MANSC4: variants seen among roughly 807,000 people sequenced by gnomAD.
MANSC4 encodes the protein MANSC domain-containing protein 4.
Under a neutral mutation model 11.4 loss-of-function variants are expected in MANSC4, and 11 were observed. The observed-to-expected ratio is 0.97, with a 90% CI of 0.61 to 1.60. The LOEUF is 1.60. MANSC4 is among the 40% of genes most tolerant of loss of function. The pLI, the probability that MANSC4 is intolerant of heterozygous loss-of-function variation, is 0.00. For synonymous variants in MANSC4, 123 were observed against 147.1 expected (o/e 0.84, Z 1.19); for missense variants, 354 against 404.6 (o/e 0.88, Z 1.07).
chr12:27,776,930 G>T (rs2062121589), intron 1 of MANSC4, among the ~76,000 whole-genome samples: 1 of 152,012 alleles, frequency 6.6e-6, no homozygotes, highest in South Asian at 2.1e-4. Context: ...GGAAGACTAG[G>T]AATAATTTTA....
chr12:27,762,832 C>T lies in MANSC4; in HGVS notation c.929G>A (p.Cys310Tyr). ...TTTATACTGGCCCTGCTGCTTTCCACAGCATCCAGATGCCAGGATGACTAT... is the reference window on the plus strand; with the variant it reads ...TTTATACTGGCCCTGCTGCTTTCCATAGCATCCAGATGCCAGGATGACTAT... Reference protein sequence around the residue: ...CCIVILASGCCGKQQGQYKPG... With the variant: ...CCIVILASGCYGKQQGQYKPG... The change falls in exon 4 of 4, where the codon TGT (cysteine) becomes TAT (tyrosine). Residue 310 changes from cysteine (C) to tyrosine (Y), a missense_variant. Transcript: ENST00000381273. 1.3e-6 allele frequency: 2 copies of T among 1,551,916 alleles called. No homozygotes were observed. The highest frequency in any genetic ancestry group is 1.7e-6 in the Non-Finnish European group (2 of 1,147,054).
chr12:27,769,748 T>G (rs1477172628), intron 2 of MANSC4, among the ~76,000 whole-genome samples: 2 of 152,212 alleles, frequency 1.3e-5, no homozygotes, highest in Admixed American at 6.6e-5. Flanking sequence ...CATAGGTAAT[T>G]GGGCAAGAGG....
Position 27,771,282 on chromosome 12 carries a change from C to G in MANSC4, c.-6G>C. 6.5e-7 allele frequency: 1 copy of G among 1,548,946 alleles called. No homozygotes were observed. The highest frequency in any genetic ancestry group is 8.7e-7 in the Non-Finnish European group (1 of 1,146,226). ...GCTACCTCTGCCACATGCATTTTTC[C>G]TGTATGAAGGAAGACTCGAAGATAA... On this transcript the variant is annotated 5_prime_UTR_variant, in exon 2 of 4. Transcript: ENST00000381273.
chr12:27,770,235 C>T (rs1420792746), intron 2 of MANSC4, among the ~76,000 whole-genome samples: 1 of 152,138 alleles, frequency 6.6e-6, no homozygotes, highest in Non-Finnish European at 1.5e-5. Flanking sequence ...GGCTTGAGTG[C>T]ACTGGTGCGA....
intron 2 of MANSC4, among the ~76,000 whole-genome samples, chr12:27,768,041 A>G (rs2062080916): frequency 6.6e-6 from 1 of 152,158 alleles, no homozygotes; most frequent in African/African-American, 2.4e-5. Flanking sequence ...GTAGAATTCT[A>G]GCAGGTGGGG....
At chr12:27,773,356 G>T (rs775021908) in intron 1 of MANSC4, among the ~76,000 whole-genome samples, 4 of 152,152 alleles carry the variant, frequency 2.6e-5, no homozygotes, top group Non-Finnish European at 4.4e-5. Context: ...GTTTTAAAAA[G>T]AAATGGTAGA....
chr12:27,779,502 C>T (rs2062134379), intron 1 of MANSC4, among the ~76,000 whole-genome samples: 1 of 152,202 alleles, frequency 6.6e-6, no homozygotes, highest in Non-Finnish European at 1.5e-5. Flanking sequence ...GAACCTGCTG[C>T]CATCTGCCTG....
Position 27,771,393 on chromosome 12 carries a change from C to A in MANSC4, c.-117G>T, listed in dbSNP as rs1248212086. The A allele has an allele frequency of 2.3e-6, 2 of 866,596 alleles. No homozygotes were observed. Among genetic ancestry groups the A allele is most frequent in the Non-Finnish European group, 3.5e-6 (2 of 572,666 alleles). 53.7% of individuals were successfully genotyped at this position (866,596 alleles called of 1,614,324 possible). A position where few individuals can be genotyped will look rare whatever the true frequency, so the allele number is the denominator to read the frequency against. Reference sequence around the variant, plus strand: ...GTGTTGTTAAGGGAGAGCTTCCTTGCAGCTTTTCTGGAGAGTCACTTTCTA... The same window carrying A: ...GTGTTGTTAAGGGAGAGCTTCCTTGAAGCTTTTCTGGAGAGTCACTTTCTA... On this transcript the variant is annotated 5_prime_UTR_variant, in exon 2 of 4. Transcript: ENST00000381273.
At chr12:27,772,798 T>A (rs1427313237) in intron 1 of MANSC4, among the ~76,000 whole-genome samples, 1 of 152,196 alleles carries the variant, frequency 6.6e-6, no homozygotes, top group African/African-American at 2.4e-5. Flanking sequence ...AAAAAATTAC[T>A]CTCGATATTT....
rs1179023881 is a variant in MANSC4 at position 27,763,356 on chromosome 12, T to C, written c.405A>G (p.Thr135=). 6 of 1,549,704 alleles carry C rather than the reference T, an allele frequency of 3.9e-6. No individual in the cohort carries two copies. The South Asian group carries it at 6.0e-5, about 15-fold the overall frequency. Residue 135 remains threonine (T), a synonymous_variant, in exon 4 of 4, where the codon ACA becomes ACG. Transcript: ENST00000381273. ...TGGATGAAGAACGAGTATTTAGATATGTGGGAGATTGTTCAAAAACCAGCA... is the reference window on the plus strand; with the variant it reads ...TGGATGAAGAACGAGTATTTAGATACGTGGGAGATTGTTCAAAAACCAGCA... ...PDLLVFEQSP[T]YLNTRSSSNR...
chr12:27,762,699 T>C lies in MANSC4; in HGVS notation c.*39A>G, dbSNP rs1361642639. ...GCGTTTTCTTACACAAAACTAAAAA[T>C]GATATCCTTGAAAGCATATAATCTT... On this transcript the variant is annotated 3_prime_UTR_variant, in exon 4 of 4. Coordinates refer to ENST00000381273, the MANE Select transcript of MANSC4 (RefSeq NM_001146221.5). 2.8e-6 allele frequency: 4 copies of C among 1,438,324 alleles called. No individual in the cohort carries two copies. The highest frequency in any genetic ancestry group is 5.9e-5 in the Admixed American group (2 of 33,724). The allele number at this position is 1,438,324 out of a possible 1,614,324, so 89.1% of individuals were successfully genotyped here.
At chr12:27,779,933 C>G (rs2140808312) in intron 1 of MANSC4, 1 of 151,396 alleles carries the variant, frequency 6.6e-6, no homozygotes, top group South Asian at 2.1e-4. Flanking sequence ...TCCCGGGCCT[C>G]CCCGAGAGCC....
intron 1 of MANSC4, among the ~76,000 whole-genome samples, chr12:27,779,578 A>G (rs919181569): frequency 2.0e-5 from 3 of 151,998 alleles, no homozygotes; most frequent in African/African-American, 7.2e-5. Context: ...TGCCACCAAC[A>G]TTGCCACCAA....
At chr12:27,778,271 A>T (rs760776799) in intron 1 of MANSC4, among the ~76,000 whole-genome samples, 5 of 151,976 alleles carry the variant, frequency 3.3e-5, no homozygotes, top group Non-Finnish European at 7.4e-5. Context: ...ATAAAAAGAT[A>T]AACCTCCTTT....
chr12:27,775,976 G>A (rs1465444782), intron 1 of MANSC4, among the ~76,000 whole-genome samples: 1 of 151,148 alleles, frequency 6.6e-6, no homozygotes, highest in South Asian at 2.1e-4. Context: ...TGTAATCCCA[G>A]CTACTTGGGA....
intron 1 of MANSC4, among the ~76,000 whole-genome samples, chr12:27,777,630 A>G (rs371786471): frequency 2.6e-5 from 4 of 152,358 alleles, no homozygotes; most frequent in South Asian, 2.1e-4. Flanking sequence ...GCCAGGTGAA[A>G]CAAGGTGAAG....
chr12:27,778,161 G>A (rs980828484), intron 1 of MANSC4, among the ~76,000 whole-genome samples: 1 of 150,246 alleles, frequency 6.7e-6, no homozygotes, highest in East Asian at 2.0e-4. Context: ...GGAGGTGGAG[G>A]TTGCAGAAAG....
In MANSC4 at chr12:27,766,802, G is replaced by A. The variant is rs1435269984; in HGVS notation, c.230-3C>T. The stretch of plus-strand genomic sequence containing the variant: ...GAAGACAGCCAGGTTACAGGAAACT[G>A]AAAGGGAAACAAGCGAAGTACATCT... On this transcript the variant is annotated splice_region_variant and splice_polypyrimidine_tract_variant and intron_variant, in intron 2 of 3. Transcript: ENST00000381273. The A allele has an allele frequency of 1.3e-6, 2 of 1,550,180 alleles. No homozygotes were observed. The highest frequency in any genetic ancestry group is 4.9e-5 in the East Asian group (2 of 40,920).
intron 2 of MANSC4, among the ~76,000 whole-genome samples, chr12:27,770,372 G>A (rs2062095373): frequency 6.6e-6 from 1 of 152,002 alleles, no homozygotes; most frequent in Non-Finnish European, 1.5e-5. Flanking sequence ...GTAGAGAGGG[G>A]GTTTCACCAT....
Sources: gnomAD v4.1 joint callset for allele counts (sites outside exome capture counted in the v4.1 genomes callset) on GRCh38, gnomAD v4.1.1 for gene constraint, MANE v1.5 for transcripts, NCBI Gene and HGNC (gene_info 2026-07-23, HGNC 2026-07-21) for gene names.